SHISA9: variants seen among roughly 807,000 people sequenced by gnomAD.
SHISA9 encodes protein shisa-9.
Under a neutral mutation model 38.0 loss-of-function variants are expected in SHISA9, and 13 were observed. That is an observed-to-expected ratio of 0.34 (90% CI 0.22 to 0.54). SHISA9 has a LOEUF of 0.54. Ranked by LOEUF, SHISA9 falls within the 20% of genes least tolerant of loss-of-function variation. SHISA9 has a pLI of 0.91. For missense variants in SHISA9, 538 were observed against 575.8 expected, an observed-to-expected ratio of 0.93 and a Z score of 0.67; for synonymous variants, 275 against 242.0, an observed-to-expected ratio of 1.14 and a Z score of -1.27.
chr16:13,109,996 A>G (rs543972189), intron 2 of SHISA9, among the ~76,000 whole-genome samples: 2 of 152,134 alleles, frequency 1.3e-5, no homozygotes, highest in Admixed American at 1.3e-4. Context: ...ACATGTTTTC[A>G]TTTCTTTTGA....
the SHISA9 span, among the ~76,000 whole-genome samples, chr16:13,276,323 G>A: frequency 6.8e-6 from 1 of 147,170 alleles, no homozygotes; most frequent in Non-Finnish European, 1.5e-5. Flanking sequence ...TGACTGACAG[G>A]TATTTGGGCT....
intron 2 of SHISA9, among the ~76,000 whole-genome samples, chr16:13,020,280 C>T (rs2072836305): frequency 6.6e-6 from 1 of 151,884 alleles, no homozygotes; most frequent in Admixed American, 6.6e-5. Flanking sequence ...CCCACCTCAG[C>T]CTCCCACAGT....
At chr16:12,924,525 A>G (rs1288850100) in intron 2 of SHISA9, among the ~76,000 whole-genome samples, 3 of 152,080 alleles carry the variant, frequency 2.0e-5, no homozygotes, top group Non-Finnish European at 2.9e-5. Context: ...GTTCTTTTTC[A>G]TAGTTGGGCA....
the SHISA9 span, among the ~76,000 whole-genome samples, chr16:13,282,798 C>T: frequency 1.3e-5 from 2 of 152,004 alleles, no homozygotes; most frequent in Non-Finnish European, 1.5e-5. Flanking sequence ...TTGGACTTTT[C>T]GTTACTATAC....
the SHISA9 span, among the ~76,000 whole-genome samples, chr16:13,324,036 C>T: frequency 6.6e-6 from 1 of 152,136 alleles, no homozygotes; most frequent in Non-Finnish European, 1.5e-5. Flanking sequence ...TTAAAGGAGC[C>T]TGGCACCCCT....
intron 2 of SHISA9, among the ~76,000 whole-genome samples, chr16:13,043,529 CGTTAT>C (rs993869616): frequency 1.6e-4 from 24 of 152,148 alleles, no homozygotes; most frequent in African/African-American, 5.8e-4. Flanking sequence ...ATGCAAAACA[CGTTAT>C]ATTAATTGCA....
chr16:13,280,428 C>G, the SHISA9 span, among the ~76,000 whole-genome samples: 1 of 151,510 alleles, frequency 6.6e-6, no homozygotes, highest in African/African-American at 2.4e-5. Flanking sequence ...ACTTGTTCAT[C>G]GAATATTATG....
chr16:13,469,352 AAGAAAGAAAAGAAAAAGAAAGAAAGAAAG>A, the SHISA9 span, among the ~76,000 whole-genome samples: 1 of 128,270 alleles, frequency 7.8e-6, no homozygotes, highest in East Asian at 2.5e-4. Context: ...GAAAGAAAGA[AAGAAAGAAAAGAAAAAGAAAGAAAGAAAG>A]AAAGAAAGAA....
At chr16:13,187,399 A>G (rs2050837432) in intron 2 of SHISA9, among the ~76,000 whole-genome samples, 1 of 146,544 alleles carries the variant, frequency 6.8e-6, no homozygotes, top group East Asian at 2.0e-4. Flanking sequence ...CAGTGGCACA[A>G]TCTCAGCTCA....
the SHISA9 span, among the ~76,000 whole-genome samples, chr16:13,558,853 A>G: frequency 6.6e-6 from 1 of 152,216 alleles, no homozygotes; most frequent in Non-Finnish European, 1.5e-5. Context: ...TAAGCTAGGA[A>G]TGTTTTCATC....
At chr16:13,382,961 C>A in the SHISA9 span, among the ~76,000 whole-genome samples, 1 of 152,150 alleles carries the variant, frequency 6.6e-6, no homozygotes, top group South Asian at 2.1e-4. Flanking sequence ...TCATTGATAC[C>A]TCCATGTAAC....
At chr16:12,996,561 A>G (rs773351664) in intron 2 of SHISA9, among the ~76,000 whole-genome samples, 4 of 152,130 alleles carry the variant, frequency 2.6e-5, no homozygotes, top group African/African-American at 4.8e-5. Flanking sequence ...CACTCCTACA[A>G]TTCATATCGT....
chr16:13,019,770 T>TTCTTTCTTTCTTTC (rs2141862629), intron 2 of SHISA9, among the ~76,000 whole-genome samples: 1 of 58,892 alleles, frequency 1.7e-5, no homozygotes, highest in Admixed American at 1.5e-4. Flanking sequence ...TTTCTTTTCT[T>TTCTTTCTTTCTTTC]TCTTTCTTTC....
At chr16:13,258,114 C>T in the SHISA9 span, among the ~76,000 whole-genome samples, 1 of 152,184 alleles carries the variant, frequency 6.6e-6, no homozygotes, top group South Asian at 2.1e-4. Context: ...TAGCCATCTG[C>T]CATCTACTCT....
Position 12,908,458 on chromosome 16 carries a change from T to C in SHISA9, c.563+5831T>C, listed in dbSNP as rs1384555524. 94 of 1,551,424 alleles carry C rather than the reference T, an allele frequency of 6.1e-5. No homozygotes were observed. In the East Asian group the frequency reaches 2.3e-3, roughly 38 times the overall value. ...ATGTGTAAATTCTCGTTTAATTTCATACCCTTCCCCCATGAGGTAGGCTCT... is the reference window on the plus strand; with the variant it reads ...ATGTGTAAATTCTCGTTTAATTTCACACCCTTCCCCCATGAGGTAGGCTCT... On this transcript the variant is annotated intron_variant, in intron 1 of 4. Transcript: ENST00000558583.
At chr16:13,210,532 G>C (rs4781431) in intron 3 of SHISA9, among the ~76,000 whole-genome samples, 41,143 of 152,070 alleles carry the variant, frequency 0.27, 6,377 homozygotes, top group African/African-American at 0.43. Flanking sequence ...AGCACTTTTT[G>C]AAACAACAGC....
intron 2 of SHISA9, among the ~76,000 whole-genome samples, chr16:13,174,682 A>G (rs1596702710): frequency 6.6e-6 from 1 of 152,292 alleles, no homozygotes; most frequent in Non-Finnish European, 1.5e-5. Context: ...CTCCTCTCAC[A>G]TGGGGTGAGG....
At chr16:13,113,804 C>G (rs999370582) in intron 2 of SHISA9, among the ~76,000 whole-genome samples, 6 of 152,190 alleles carry the variant, frequency 3.9e-5, no homozygotes, top group African/African-American at 1.4e-4. Context: ...AGGTCCAGGC[C>G]TGTATCTCAG....
chr16:13,552,873 G>A, the SHISA9 span, among the ~76,000 whole-genome samples: 45 of 152,116 alleles, frequency 3.0e-4, no homozygotes, highest in African/African-American at 1.0e-3. Context: ...AGCCACAAAA[G>A]GAGCAAAAGA....
Sources: allele counts gnomAD v4.1 joint callset (sites outside exome capture counted in the v4.1 genomes callset), GRCh38; gene constraint gnomAD v4.1.1; transcripts MANE v1.5; gene names NCBI Gene and HGNC (gene_info 2026-07-23, HGNC 2026-07-21).